Variants in TRERF1 observed in about 807,000 individuals in gnomAD.
TRERF1 encodes transcriptional regulating factor 1.
Under a neutral mutation model 122.9 loss-of-function variants are expected in TRERF1, and 27 were observed. The ratio of observed to expected loss-of-function variants is 0.22; its 90% CI spans 0.16 to 0.30. The LOEUF (loss-of-function observed/expected upper bound fraction) is 0.30. Ranked by LOEUF, TRERF1 falls within the 10% of genes least tolerant of loss-of-function variation. TRERF1 has a pLI of 1.00. For synonymous variants in TRERF1, 636 were observed against 641.7 expected (o/e 0.99, Z 0.13); for missense variants, 1,248 against 1,560.3 (o/e 0.80, Z 3.37).
At chr6:42,255,985 G>A (rs1486790354) in intron 12 of TRERF1, among the ~76,000 whole-genome samples, 1 of 152,032 alleles carries the variant, frequency 6.6e-6, no homozygotes, top group Admixed American at 6.6e-5. Flanking sequence ...ACAAAAACTA[G>A]CCAGGCATGG....
intron 4 of TRERF1, among the ~76,000 whole-genome samples, chr6:42,291,223 C>T (rs745485332): frequency 3.3e-5 from 5 of 152,170 alleles, no homozygotes; most frequent in Non-Finnish European, 7.4e-5. Flanking sequence ...TGATACTCTG[C>T]GGTGCCTCTT....
In TRERF1 at chr6:42,446,491, T is replaced by A. The variant is rs1461750750; in HGVS notation, c.-454+4686A>T. On this transcript the variant is annotated intron_variant, in intron 2 of 17. Transcript: ENST00000372922. Reference sequence around the variant, plus strand: ...TGGACTTGTGGTTTCATCAGAGCACTGATCACAATTGGCAAGCTGTATTTC... The same window carrying A: ...TGGACTTGTGGTTTCATCAGAGCACAGATCACAATTGGCAAGCTGTATTTC... 2.0e-5 allele frequency among the ~76,000 whole-genome samples: 3 copies of A among 152,220 alleles called. No individual in the cohort carries two copies. The East Asian group carries it at 5.8e-4, about 29-fold the overall frequency.
intron 2 of TRERF1, among the ~76,000 whole-genome samples, chr6:42,406,459 A>G (rs1047018441): frequency 2.6e-5 from 4 of 152,166 alleles, no homozygotes; most frequent in African/African-American, 9.7e-5. Flanking sequence ...TCTGTCCTGG[A>G]CCCAAGTCAG....
intron 2 of TRERF1, among the ~76,000 whole-genome samples, chr6:42,431,753 T>A (rs1395317178): frequency 6.6e-6 from 1 of 151,060 alleles, no homozygotes; most frequent in Non-Finnish European, 1.5e-5. Flanking sequence ...AGATACAATA[T>A]AAGCCACTAG....
At chr6:42,288,995 C>G (rs1049061349) in intron 4 of TRERF1, among the ~76,000 whole-genome samples, 1 of 121,364 alleles carries the variant, frequency 8.2e-6, no homozygotes, top group Non-Finnish European at 1.8e-5. Flanking sequence ...GTGTGTGTGT[C>G]AAAGCACATG....
downstream of TRERF1, chr6:42,225,047 C>T (rs1769320952): frequency 6.6e-6 from 1 of 151,870 alleles, no homozygotes; most frequent in Non-Finnish European, 1.5e-5. Context: ...GAATGCCCAT[C>T]TATAGGAACT....
chr6:42,389,872 C>G (rs975262384), intron 2 of TRERF1, among the ~76,000 whole-genome samples: 7 of 152,366 alleles, frequency 4.6e-5, no homozygotes, highest in African/African-American at 1.4e-4. Context: ...ACCACGTTTG[C>G]TCTTCAAATG....
At position 42,450,642 on chromosome 6, in the gene TRERF1, G is replaced by A. The variant is rs77681603; in HGVS notation, c.-454+535C>T. Among the ~76,000 whole-genome samples the A allele has an allele frequency of 3.9e-3, 599 of 152,318 alleles. 5 individuals carry two copies. Among genetic ancestry groups the A allele is most frequent in the African/African-American group, 0.014 (573 of 41,568 alleles). On this transcript the variant is annotated intron_variant, in intron 2 of 17. Transcript: ENST00000372922. ...GCCTCCGCTGGTGAAGGAGTGGTTT[G>A]GTTGGTTTTTAATATCTGTTTCTTA...
At chr6:42,233,497 G>C (rs1237323522) in intron 16 of TRERF1, among the ~76,000 whole-genome samples, 2 of 152,068 alleles carry the variant, frequency 1.3e-5, no homozygotes, top group Non-Finnish European at 2.9e-5. Context: ...GTGTTAGCCA[G>C]GATGGTCTCG....
At chr6:42,285,205 G>A (rs34793447) in intron 4 of TRERF1, among the ~76,000 whole-genome samples, 4,123 of 152,122 alleles carry the variant, frequency 0.027, 56 homozygotes, top group Non-Finnish European at 0.036. Flanking sequence ...CACATCCCTT[G>A]TAAGTTGGAT....
intron 3 of TRERF1, among the ~76,000 whole-genome samples, chr6:42,333,049 G>C (rs1415510509): frequency 6.6e-6 from 1 of 152,184 alleles, no homozygotes; most frequent in Admixed American, 6.5e-5. Context: ...TGATGGGTTG[G>C]AGGTTAATAG....
intron 2 of TRERF1, among the ~76,000 whole-genome samples, chr6:42,400,391 T>C (rs1779215105): frequency 6.6e-6 from 1 of 152,214 alleles, no homozygotes; most frequent in Non-Finnish European, 1.5e-5. Flanking sequence ...ATAACTATCC[T>C]GTGAGGTGGG....
intron 2 of TRERF1, among the ~76,000 whole-genome samples, chr6:42,390,754 G>A (rs947794416): frequency 2.6e-5 from 4 of 152,182 alleles, no homozygotes; most frequent in South Asian, 4.1e-4. Context: ...AGTTGTGGGC[G>A]AGCTTTACTT....
At chr6:42,406,482 C>T (rs1780195949) in intron 2 of TRERF1, among the ~76,000 whole-genome samples, 1 of 152,204 alleles carries the variant, frequency 6.6e-6, no homozygotes, top group South Asian at 2.1e-4. Context: ...CAGAAAGGAG[C>T]TCACATCCCA....
At chr6:42,322,420 G>A (rs74294398) in intron 3 of TRERF1, among the ~76,000 whole-genome samples, 6,001 of 152,116 alleles carry the variant, frequency 0.039, 272 homozygotes, top group East Asian at 0.22. Flanking sequence ...AAGGGAAGGG[G>A]CCAGGAGACT....
rs1777332802 is a variant in TRERF1, at chr6:42,259,223, T to C, written c.2269+116A>G. The C allele has an allele frequency of 7.3e-7, 1 of 1,364,934 alleles. No homozygotes were observed. Among genetic ancestry groups the C allele is most frequent in the East Asian group, 2.6e-5 (1 of 38,494 alleles). The allele number at this position is 1,364,934 out of a possible 1,614,324, so 84.6% of individuals were successfully genotyped here. On this transcript the variant is annotated intron_variant, in intron 9 of 17. Transcript: ENST00000372922. This position sits in a 1 kb window ranked among gnomAD's most constrained non-coding sequence, Gnocchi z 4.9. ...TTAACACCCAGCAGCGCGTGCTACA[T>C]ACAGCCAATACTCCGCAAAAGTCTG...
intron 3 of TRERF1, among the ~76,000 whole-genome samples, chr6:42,361,803 G>A (rs1370896684): frequency 6.6e-6 from 1 of 152,210 alleles, no homozygotes; most frequent in Non-Finnish European, 1.5e-5. Context: ...GCCCCACAGA[G>A]GCTCTGCCCT....
intron 2 of TRERF1, among the ~76,000 whole-genome samples, chr6:42,428,098 C>T (rs1027976794): frequency 2.0e-5 from 3 of 152,102 alleles, no homozygotes; most frequent in Non-Finnish European, 2.9e-5. Context: ...GTAATAATCC[C>T]CAAGTGGGGC....
At position 42,259,493 on chromosome 6, in the gene TRERF1, C is replaced by A. The variant is rs1219314353; in HGVS notation, c.2115G>T (p.Leu705=). 3 of 1,611,018 alleles carry A rather than the reference C, an allele frequency of 1.9e-6. No individual in the cohort carries two copies. In the African/African-American group the frequency reaches 4.0e-5, roughly 22 times the overall value. Reference sequence around the variant, plus strand: ...GCATGGGTGGGGGCGTGTAAGGGGGCAGCTCGTGGGTGGGGTCCAGGAGCA... The same window carrying A: ...GCATGGGTGGGGGCGTGTAAGGGGGAAGCTCGTGGGTGGGGTCCAGGAGCA... Residue 705 remains leucine (L), a synonymous_variant, in exon 9 of 18, where the codon CTG becomes CTT. Transcript: ENST00000372922. The surrounding 1 kb of genome is among the most constrained non-coding windows in gnomAD (Gnocchi z 4.9).
Sources: gnomAD v4.1 joint callset for allele counts (sites outside exome capture counted in the v4.1 genomes callset) on GRCh38, gnomAD v4.1.1 for gene constraint, Gnocchi (gnomAD v3.1) non-coding constraint, MANE v1.5 for transcripts, NCBI Gene and HGNC (gene_info 2026-07-23, HGNC 2026-07-21) for gene names.